The following MECOM variants were observed in gnomAD, a reference collection of about 807,000 sequenced individuals.
MECOM encodes the protein MDS1 and EVI1 complex locus.
In MECOM, 13 loss-of-function variants were observed where a neutral mutation model predicts 116.3. The observed-to-expected ratio is 0.11, with a 90% confidence interval of 0.07 to 0.18. The LOEUF is 0.18. Among genes scored for constraint, MECOM ranks in the 10% least tolerant of loss-of-function variants. The probability of loss-of-function intolerance (pLI) is 1.00; values close to 1 mark genes in which losing one functional copy is unlikely to be tolerated. For missense variants in MECOM, 1,299 were observed against 1,509.0 expected (o/e 0.86, Z 2.31); for synonymous variants, 528 against 535.2 (o/e 0.99, Z 0.19).
chr3:169,280,807 G>A (rs1161192606), intron 2 of MECOM, among the ~76,000 whole-genome samples: 1 of 152,178 alleles, frequency 6.6e-6, no homozygotes, highest in Non-Finnish European at 1.5e-5. Flanking sequence ...AGAGGCTGAT[G>A]GCAAATAAGA....
intron 1 of MECOM, among the ~76,000 whole-genome samples, chr3:169,584,164 T>C (rs1348408098): frequency 5.3e-5 from 8 of 152,178 alleles, no homozygotes; most frequent in African/African-American, 1.9e-4. Flanking sequence ...TAGAAGATAT[T>C]CTCATTCTAG....
intron 5 of MECOM, among the ~76,000 whole-genome samples, chr3:169,124,616 T>C (rs1043905428): frequency 3.9e-5 from 6 of 152,092 alleles, no homozygotes; most frequent in African/African-American, 1.2e-4. Flanking sequence ...CCTTACTTTC[T>C]ATAGACACAT....
chr3:169,381,606 G>A, intron 1 of MECOM, 82 bp from the exon 2 acceptor site: 1 of 1,030,688 alleles, frequency 9.7e-7, no homozygotes, highest in Non-Finnish European at 1.4e-6. Flanking sequence ...TTATTATGTT[G>A]TTCTTTGAAG....
intron 1 of MECOM, among the ~76,000 whole-genome samples, chr3:169,439,356 A>G (rs1352530146): frequency 6.8e-6 from 1 of 148,138 alleles, no homozygotes; most frequent in Admixed American, 6.8e-5. Flanking sequence ...TTTAATATTA[A>G]TATAGTTAAT....
At chr3:169,189,810 A>T (rs1001081993) in intron 2 of MECOM, among the ~76,000 whole-genome samples, 1 of 152,066 alleles carries the variant, frequency 6.6e-6, no homozygotes. Flanking sequence ...TCATTTATTT[A>T]CGAATAGGTT....
intron 1 of MECOM, among the ~76,000 whole-genome samples, chr3:169,641,950 T>C (rs1273130001): frequency 6.6e-6 from 1 of 152,264 alleles, no homozygotes; most frequent in Non-Finnish European, 1.5e-5. Context: ...TGAAGACAAA[T>C]TGGAATTAAG....
intron 2 of MECOM, among the ~76,000 whole-genome samples, chr3:169,197,801 A>C (rs1748628271): frequency 6.6e-6 from 1 of 152,040 alleles, no homozygotes; most frequent in Non-Finnish European, 1.5e-5. Flanking sequence ...CTCTTTATAA[A>C]ATTACTGGTT....
In MECOM at chr3:169,223,197, T is replaced by C. The variant is rs150109820; in HGVS notation, c.376-79365A>G. Among the ~76,000 whole-genome samples the C allele has an allele frequency of 1.7e-3, 252 of 151,960 alleles. 2 individuals carry two copies. Among genetic ancestry groups the C allele is most frequent in the African/African-American group, 5.6e-3 (233 of 41,466 alleles). ...ACAACATGCAGGTTTGTTACATATGTATACATGTGCCATGTTGGTGTGCTG... is the reference window on the plus strand; with the variant it reads ...ACAACATGCAGGTTTGTTACATATGCATACATGTGCCATGTTGGTGTGCTG... On this transcript the variant is annotated intron_variant, in intron 2 of 16. Coordinates refer to ENST00000651503, the MANE Select transcript of MECOM (RefSeq NM_004991.4).
intron 1 of MECOM, among the ~76,000 whole-genome samples, chr3:169,416,010 C>G (rs752375811): frequency 4.3e-4 from 65 of 152,188 alleles, no homozygotes; most frequent in South Asian, 1.2e-3. Context: ...GAAATCAGCT[C>G]TGGACCAAGT....
chr3:169,322,997 T>TTAAAAAAAA (rs1270690613), intron 2 of MECOM, among the ~76,000 whole-genome samples: 1 of 56,048 alleles, frequency 1.8e-5, no homozygotes, highest in African/African-American at 7.0e-5. Context: ...AAGACTCCGG[T>TTAAAAAAAA]AAAAAAAAAA....
intron 1 of MECOM, among the ~76,000 whole-genome samples, chr3:169,461,511 G>C (rs9857141): frequency 1.3e-5 from 2 of 152,056 alleles, no homozygotes; most frequent in African/African-American, 4.8e-5. Flanking sequence ...AGTTTTCAGA[G>C]ATTTGGTGAA....
chr3:169,433,773 A>G (rs1482964343), intron 1 of MECOM, among the ~76,000 whole-genome samples: 1 of 152,210 alleles, frequency 6.6e-6, no homozygotes, highest in East Asian at 1.9e-4. Context: ...AATCATCTAG[A>G]GTGCTTGTTA....
chr3:169,649,023 G>T (rs1323156970), intron 1 of MECOM, among the ~76,000 whole-genome samples: 1 of 152,190 alleles, frequency 6.6e-6, no homozygotes, highest in African/African-American at 2.4e-5. Flanking sequence ...TGTGAGCATG[G>T]AAGGAGTAAT....
chr3:169,647,092 T>C lies in MECOM; in HGVS notation c.37+16244A>G, dbSNP rs1346708810. 2.0e-5 allele frequency among the ~76,000 whole-genome samples: 3 copies of C among 152,230 alleles called. No individual in the cohort carries two copies. The East Asian group carries it at 5.8e-4, about 29-fold the overall frequency. On this transcript the variant is annotated intron_variant, in intron 1 of 16. Transcript: ENST00000651503. The stretch of plus-strand genomic sequence containing the variant: ...TTATTACGTTTTATGAGCTTTGGAA[T>C]GCCCAGGCAATGTAGTGTTCTACTT...
At chr3:169,585,122 T>C (rs1765631448) in intron 1 of MECOM, among the ~76,000 whole-genome samples, 1 of 152,240 alleles carries the variant, frequency 6.6e-6, no homozygotes, top group African/African-American at 2.4e-5. Context: ...ATAGAGGTTA[T>C]GGATTAGAGG....
At chr3:169,370,508 A>G (rs1313523792) in intron 2 of MECOM, among the ~76,000 whole-genome samples, 4 of 152,000 alleles carry the variant, frequency 2.6e-5, no homozygotes, top group African/African-American at 9.7e-5. Flanking sequence ...TAGGCAATAA[A>G]AGCAAAAATA....
intron 1 of MECOM, among the ~76,000 whole-genome samples, chr3:169,607,828 G>A (rs1011963116): frequency 2.6e-5 from 4 of 152,206 alleles, no homozygotes; most frequent in African/African-American, 4.8e-5. Flanking sequence ...TTAAATTTGC[G>A]TAAGCGCTTT....
intron 1 of MECOM, among the ~76,000 whole-genome samples, chr3:169,539,445 C>T (rs1362772): frequency 0.21 from 31,818 of 152,098 alleles, 4,410 homozygotes; most frequent in East Asian, 0.69. Flanking sequence ...ACAACTGCTT[C>T]TAAGACATCT....
intron 8 of MECOM, among the ~76,000 whole-genome samples, chr3:169,114,637 A>C (rs1217405079): frequency 1.3e-5 from 2 of 151,952 alleles, no homozygotes; most frequent in Non-Finnish European, 2.9e-5. Context: ...TGTAATATTC[A>C]AAATATGTAA....
Sources: allele counts gnomAD v4.1 joint callset (sites outside exome capture counted in the v4.1 genomes callset), GRCh38; gene constraint gnomAD v4.1.1; transcripts MANE v1.5; gene names NCBI Gene and HGNC (gene_info 2026-07-23, HGNC 2026-07-21).